SLC7A11: variants seen among roughly 807,000 people sequenced by gnomAD.
SLC7A11 encodes cystine/glutamate transporter.
In SLC7A11, 35 loss-of-function variants were observed where a neutral mutation model predicts 54.5. The ratio of observed to expected loss-of-function variants is 0.64; its 90% CI spans 0.49 to 0.85. The LOEUF is 0.85. Among genes scored for constraint, SLC7A11 ranks in the 40% least tolerant of loss-of-function variants. The pLI, the probability that SLC7A11 is intolerant of heterozygous loss-of-function variation, is 0.00. For missense variants in SLC7A11, 583 were observed against 618.1 expected, an observed-to-expected ratio of 0.94 and a Z score of 0.60; for synonymous variants, 230 against 225.2, an observed-to-expected ratio of 1.02 and a Z score of -0.19.
intron 3 of SLC7A11, 124 bp from the exon 4 acceptor site, chr4:138,223,448 G>T: frequency 1.0e-6 from 1 of 974,358 alleles, no homozygotes; most frequent in Non-Finnish European, 1.5e-6. Flanking sequence ...AAGTGTTTTA[G>T]AAATGCAGAA....
intron 6 of SLC7A11, among the ~76,000 whole-genome samples, chr4:138,188,016 C>T (rs1355830422): frequency 3.3e-5 from 5 of 152,022 alleles, no homozygotes; most frequent in Admixed American, 6.6e-5. Context: ...AATCTTGTTG[C>T]AATGCACAGC....
At position 138,219,323 on chromosome 4, in the gene SLC7A11, G is replaced by A; in HGVS notation, c.689C>T (p.Ser230Leu). 1 of 1,610,900 alleles carries A rather than the reference G, an allele frequency of 6.2e-7. No individual in the cohort carries two copies. Among genetic ancestry groups the A allele is most frequent in the Non-Finnish European group, 8.5e-7 (1 of 1,177,278 alleles). ...NFKDAFSGRD[S>L]SITRLPLAFY... ...AGCCAGTGGCAACCGCGTAATACTT[G>A]AATCTCTTCCTGAAAAGGCGTCTTT... The change falls in exon 5 of 12, where the codon TCA (serine) becomes TTA (leucine). Residue 230 changes from serine to leucine, a missense_variant. Ser to Leu is a moderately radical substitution (Grantham distance 145, BLOSUM62 -2). Coordinates refer to ENST00000280612, the MANE Select transcript of SLC7A11 (RefSeq NM_014331.4).
At chr4:138,237,903 C>T (rs1738279028) in intron 1 of SLC7A11, among the ~76,000 whole-genome samples, 1 of 149,810 alleles carries the variant, frequency 6.7e-6, no homozygotes, top group South Asian at 2.1e-4. Context: ...AGGTGCCTGC[C>T]AGCACGCCTG....
At chr4:138,177,587 A>T (rs1004306136) in intron 11 of SLC7A11, 7 of 152,062 alleles carry the variant, frequency 4.6e-5, no homozygotes, top group African/African-American at 1.7e-4. Context: ...TAAAATACAT[A>T]CACTCAAAAA....
At chr4:138,175,805 A>G (rs898819444) in intron 11 of SLC7A11, 8 of 152,104 alleles carry the variant, frequency 5.3e-5, no homozygotes, top group African/African-American at 1.9e-4. Context: ...TCCGAGTGCT[A>G]TTTGGTTACC....
intron 6 of SLC7A11, among the ~76,000 whole-genome samples, chr4:138,201,655 C>G (rs1465498721): frequency 3.9e-5 from 6 of 151,992 alleles, no homozygotes; most frequent in African/African-American, 1.4e-4. Context: ...TCAAGCAGTA[C>G]AGAAGAAAAG....
At chr4:138,199,895 C>T (rs1198199799) in intron 6 of SLC7A11, among the ~76,000 whole-genome samples, 5 of 152,058 alleles carry the variant, frequency 3.3e-5, no homozygotes, top group East Asian at 1.9e-4. Context: ...CCAACATTTG[C>T]CACTTGATCA....
intron 5 of SLC7A11, 111 bp from the exon 6 acceptor site, chr4:138,214,740 C>A (rs758986341): frequency 1.4e-5 from 5 of 362,258 alleles, no homozygotes. Context: ...TATAACAATA[C>A]TTATAGTAAG....
At chr4:138,202,579 T>C (rs1344458682) in intron 6 of SLC7A11, among the ~76,000 whole-genome samples, 1 of 152,110 alleles carries the variant, frequency 6.6e-6, no homozygotes, top group African/African-American at 2.4e-5. Context: ...ACAGATATTC[T>C]GTTTACATTT....
chr4:138,240,133 G>T (rs947787283), intron 1 of SLC7A11, among the ~76,000 whole-genome samples: 3 of 152,038 alleles, frequency 2.0e-5, no homozygotes, highest in African/African-American at 7.2e-5. Flanking sequence ...ATACACAATT[G>T]TTACTGAATA....
chr4:138,174,226 G>T (rs532415322), intron 11 of SLC7A11, among the ~76,000 whole-genome samples: 1 of 152,096 alleles, frequency 6.6e-6, no homozygotes, highest in East Asian at 1.9e-4. Context: ...TCTTGCTTCC[G>T]CATGTCATAA....
chr4:138,185,694 A>G (rs558691647), intron 6 of SLC7A11, among the ~76,000 whole-genome samples: 31 of 152,146 alleles, frequency 2.0e-4, no homozygotes, highest in Non-Finnish European at 3.7e-4. Flanking sequence ...CTGTCCTATA[A>G]ACATTTCTAA....
chr4:138,237,731 ATATATATTTTTTTTTTTTTT>A (rs1275016050), intron 1 of SLC7A11, among the ~76,000 whole-genome samples: 3 of 10,644 alleles, frequency 2.8e-4, no homozygotes, highest in East Asian at 3.5e-3. Flanking sequence ...ATATATATAT[ATATATATTTTTTTTTTTTTT>A]TTTTTTTTTT....
rs539810277 is a variant in SLC7A11, at chr4:138,178,829, C to T, written c.1444+388G>A. Among the ~76,000 whole-genome samples, 104 of 152,178 alleles carry T rather than the reference C, an allele frequency of 6.8e-4. 1 individual carries two copies. Among genetic ancestry groups the T allele is most frequent in the African/African-American group, 2.4e-3 (100 of 41,516 alleles). On this transcript the variant is annotated intron_variant, in intron 11 of 11. Coordinates refer to ENST00000280612, the MANE Select transcript of SLC7A11 (RefSeq NM_014331.4). ...GCATTTGCAGGCCACTGCCTAACTC[C>T]CCAACAAATCTCGTGTCACTCATCA...
At chr4:138,237,718 TATATATATATATATATATA>T (rs1402878828) in intron 1 of SLC7A11, among the ~76,000 whole-genome samples, 82 of 8,122 alleles carry the variant, frequency 0.01, no homozygotes, top group African/African-American at 0.029. Context: ...TATATATATA[TATATATATATATATATATA>T]TTTTTTTTTT....
intron 2 of SLC7A11, among the ~76,000 whole-genome samples, chr4:138,232,742 C>T (rs1383320562): frequency 1.3e-5 from 2 of 152,206 alleles, no homozygotes; most frequent in Non-Finnish European, 2.9e-5. Flanking sequence ...AAGTAAACTT[C>T]AGCCATATTA....
intron 5 of SLC7A11, among the ~76,000 whole-genome samples, chr4:138,214,965 T>G (rs970793791): frequency 1.2e-4 from 18 of 152,130 alleles, no homozygotes; most frequent in African/African-American, 4.3e-4. Flanking sequence ...TAGCCCAACC[T>G]GGTAGGTCAA....
chr4:138,207,186 CAT>C (rs1737430155), intron 6 of SLC7A11, among the ~76,000 whole-genome samples: 1 of 151,866 alleles, frequency 6.6e-6, no homozygotes, highest in South Asian at 2.1e-4. Context: ...ATCTTAAAAA[CAT>C]ATAACTTGAG....
At chr4:138,222,067 T>C (rs1425074497) in intron 4 of SLC7A11, among the ~76,000 whole-genome samples, 1 of 152,220 alleles carries the variant, frequency 6.6e-6, no homozygotes, top group Non-Finnish European at 1.5e-5. Flanking sequence ...AGCTCCTGTC[T>C]TCTCTTCAGT....
Sources: allele counts gnomAD v4.1 joint callset (sites outside exome capture counted in the v4.1 genomes callset), GRCh38; gene constraint gnomAD v4.1.1; transcripts MANE v1.5; gene names NCBI Gene and HGNC (gene_info 2026-07-23, HGNC 2026-07-21).